SMCHD1: variants seen among roughly 807,000 people sequenced by gnomAD.
The protein encoded by SMCHD1 is structural maintenance of chromosomes flexible hinge domain containing 1.
SMCHD1 carries 78 observed loss-of-function variants against 254.7 expected under a neutral mutation model. The ratio of observed to expected loss-of-function variants is 0.31; its 90% CI spans 0.26 to 0.37. The LOEUF (loss-of-function observed/expected upper bound fraction) is 0.37, where lower values mean the gene tolerates loss of function less well. SMCHD1 is among the 10% of genes least tolerant of loss of function. The pLI, the probability that SMCHD1 is intolerant of heterozygous loss-of-function variation, is 1.00. For synonymous variants in SMCHD1, 766 were observed against 794.9 expected (o/e 0.96, Z 0.61); for missense variants, 1,840 against 2,408.1 (o/e 0.76, Z 4.94).
At chr18:2,679,548 C>T (rs956531851) in intron 5 of SMCHD1, among the ~76,000 whole-genome samples, 7 of 143,796 alleles carry the variant, frequency 4.9e-5, no homozygotes, top group South Asian at 2.3e-4. Flanking sequence ...TGAATATGTT[C>T]GTTCACTGCC....
chr18:2,756,427 A>G (rs2075678909), intron 34 of SMCHD1, among the ~76,000 whole-genome samples: 1 of 152,140 alleles, frequency 6.6e-6, no homozygotes, highest in South Asian at 2.1e-4. Context: ...GAATCTTAAG[A>G]GTGTTATTCC....
chr18:2,702,778 A>G (rs78349092), intron 12 of SMCHD1, among the ~76,000 whole-genome samples: 1,539 of 152,340 alleles, frequency 0.01, 21 homozygotes, highest in African/African-American at 0.035. Context: ...GCAAGCATCA[A>G]AAACTTAGGC....
chr18:2,666,108 CA>C, intron 1 of SMCHD1, 48 bp from the exon 2 acceptor site: 1 of 826,572 alleles, frequency 1.2e-6, no homozygotes, highest in Non-Finnish European at 1.9e-6. Context: ...TTGAATAATA[CA>C]TTTATTTCCT....
chr18:2,761,687 G>A (rs1467173553), intron 35 of SMCHD1, among the ~76,000 whole-genome samples: 3 of 151,966 alleles, frequency 2.0e-5, no homozygotes, highest in African/African-American at 4.8e-5. Context: ...CGTGGTGGGC[G>A]CACACCTGTA....
intron 44 of SMCHD1, chr18:2,779,094 G>GTTTT (rs1254747879): frequency 6.6e-6 from 1 of 152,234 alleles, no homozygotes; most frequent in Non-Finnish European, 1.5e-5. Context: ...GTGGAGCACA[G>GTTTT]TTTAGCCCAT....
chr18:2,781,667 A>T (rs542573927), intron 44 of SMCHD1, among the ~76,000 whole-genome samples: 151 of 152,330 alleles, frequency 9.9e-4, no homozygotes, highest in South Asian at 2.1e-3. Context: ...ATAAGAAAAG[A>T]ATAAGTCAAC....
chr18:2,707,525 A>G (rs1278439985), intron 15 of SMCHD1, 38 bp from the exon 16 acceptor site: 21 of 1,273,130 alleles, frequency 1.6e-5, no homozygotes, highest in East Asian at 2.4e-5. Context: ...CATAATTAAC[A>G]AAGTTTGTGG....
At chr18:2,783,841 G>A (rs2076197279) in intron 44 of SMCHD1, among the ~76,000 whole-genome samples, 1 of 152,064 alleles carries the variant, frequency 6.6e-6, no homozygotes, top group African/African-American at 2.4e-5. Context: ...AAAGTGCTGG[G>A]ATTACAGGTG....
rs2074316679 is a variant in SMCHD1, at chr18:2,697,835, C to G, written c.1136C>G (p.Ser379Cys). The G allele has an allele frequency of 6.3e-7, 1 of 1,597,514 alleles. No homozygotes were observed. The highest frequency in any genetic ancestry group is 2.2e-5 in the East Asian group (1 of 44,698). ...EPFNNIDIEI[S>C]MFEKGKVPKI... ...TTTGTTTCCTTTTTATTTTAGATTT[C>G]TATGTTTGAAAAAGGGAAGGTACCT... The change falls in exon 10 of 48, where the codon TCT becomes TGT. Residue 379 changes from serine to cysteine, a missense_variant. Physicochemically the swap from Ser to Cys is moderately radical, Grantham distance 112 (BLOSUM62 -1). This residue lies in a region of SMCHD1 where 498 missense variants were observed against 743.5 expected (regional missense o/e 0.67). Coordinates refer to ENST00000320876, the MANE Select transcript of SMCHD1 (RefSeq NM_015295.3).
chr18:2,764,401 C>CT (rs1954296503), intron 37 of SMCHD1, among the ~76,000 whole-genome samples: 1 of 152,080 alleles, frequency 6.6e-6, no homozygotes, highest in Non-Finnish European at 1.5e-5. Context: ...TTCAACATCT[C>CT]TAATATATTC....
At chr18:2,694,498 A>G in intron 7 of SMCHD1, 29 bp from the exon 8 acceptor site, 2 of 1,477,106 alleles carry the variant, frequency 1.4e-6, no homozygotes, top group Non-Finnish European at 9.1e-7. Flanking sequence ...AGATGATTTA[A>G]TCTGTTGTAT....
intron 7 of SMCHD1, among the ~76,000 whole-genome samples, chr18:2,689,429 C>T (rs2074124365): frequency 6.6e-6 from 1 of 151,834 alleles, no homozygotes; most frequent in Admixed American, 6.6e-5. Flanking sequence ...CCATGTTGGC[C>T]AGGCTGGTTT....
At chr18:2,771,489 G>A in intron 39 of SMCHD1, 44 bp from the exon 40 acceptor site, 2 of 1,360,332 alleles carry the variant, frequency 1.5e-6, no homozygotes, top group Non-Finnish European at 2.0e-6. Flanking sequence ...CTATGATTTG[G>A]GGGCTATCAG....
At chr18:2,745,397 T>C (rs2075433976) in intron 29 of SMCHD1, among the ~76,000 whole-genome samples, 1 of 152,192 alleles carries the variant, frequency 6.6e-6, no homozygotes, top group South Asian at 2.1e-4. Context: ...GCAGGTCATC[T>C]AAGAAAGGTT....
intron 5 of SMCHD1, among the ~76,000 whole-genome samples, chr18:2,675,082 T>A (rs1198719378): frequency 6.6e-6 from 1 of 152,204 alleles, no homozygotes; most frequent in Non-Finnish European, 1.5e-5. Context: ...ACTTTACTTC[T>A]CTGTGCCTCA....
rs2073051963 is a variant in SMCHD1, at chr18:2,656,229, G to T, written c.154G>T (p.Asp52Tyr). ...GCCTCTGCAGGTCGGGGAGCGCTCG[G>T]ACTACGCGGGATTTCGCGCGTGTGT... ...DRPLQVGERS[D>Y]YAGFRACVCQ... is the part of the protein sequence containing the mutation. The change falls in exon 1 of 48, where the codon GAC becomes TAC. Residue 52 changes from aspartate to tyrosine, a missense_variant. Around this residue, in one of 9 missense-constraint regions of SMCHD1, gnomAD observed 115 missense variants for 99.1 expected, o/e 1.16. Transcript: ENST00000320876. The T allele has an allele frequency of 6.7e-7, 1 of 1,503,526 alleles. No individual in the cohort carries two copies. The highest frequency in any genetic ancestry group is 8.8e-7 in the Non-Finnish European group (1 of 1,135,502). 93.1% of individuals were successfully genotyped at this position (1,503,526 alleles called of 1,614,324 possible).
intron 17 of SMCHD1, among the ~76,000 whole-genome samples, chr18:2,712,189 A>G (rs1412921937): frequency 6.6e-6 from 1 of 150,592 alleles, no homozygotes; most frequent in Non-Finnish European, 1.5e-5. Flanking sequence ...GAATTTTTGC[A>G]TCAATATTCA....
At chr18:2,761,865 T>G (rs2039601303) in intron 35 of SMCHD1, among the ~76,000 whole-genome samples, 2 of 152,138 alleles carry the variant, frequency 1.3e-5, no homozygotes, top group African/African-American at 4.8e-5. Context: ...ATTACCTATG[T>G]TTTTTAATAC....
At chr18:2,657,501 T>C (rs2073105445) in intron 1 of SMCHD1, among the ~76,000 whole-genome samples, 1 of 152,188 alleles carries the variant, frequency 6.6e-6, no homozygotes, top group Non-Finnish European at 1.5e-5. Context: ...GTTTATTGTG[T>C]TTATAGTAAA....
Sources: allele counts gnomAD v4.1 joint callset (sites outside exome capture counted in the v4.1 genomes callset), GRCh38; gene constraint gnomAD v4.1.1; regional missense constraint gnomAD v4.1.1; transcripts MANE v1.5; gene names NCBI Gene and HGNC (gene_info 2026-07-23, HGNC 2026-07-21).